SORBS2: variants seen among roughly 807,000 people sequenced by gnomAD.
The protein encoded by SORBS2 is sorbin and SH3 domain-containing protein 2.
SORBS2 carries 46 observed loss-of-function variants against 97.7 expected under a neutral mutation model. The ratio of observed to expected loss-of-function variants is 0.47; its 90% confidence interval spans 0.37 to 0.60. SORBS2 has a LOEUF of 0.60. SORBS2 is among the 20% of genes least tolerant of loss of function. SORBS2 has a pLI of 0.00. For synonymous variants in SORBS2, 476 were observed against 473.4 expected (o/e 1.01, Z -0.07); for missense variants, 1,316 against 1,282.3 (o/e 1.03, Z -0.40).
chr4:185,801,738 G>A (rs1304017273), intron 1 of SORBS2, among the ~76,000 whole-genome samples: 3 of 152,010 alleles, frequency 2.0e-5, no homozygotes, highest in Non-Finnish European at 2.9e-5. Flanking sequence ...ATCTTTCCAT[G>A]TGCTTTAATC....
At chr4:185,635,226 G>A in intron 4 of SORBS2, 129 bp downstream of exon 16, 1 of 664,904 alleles carries the variant, frequency 1.5e-6, no homozygotes, top group South Asian at 1.9e-5. Flanking sequence ...GCAACATAAT[G>A]ATGCAAAGAT....
At chr4:185,771,503 T>G (rs2098971340) in intron 2 of SORBS2, 1 of 152,238 alleles carries the variant, frequency 6.6e-6, no homozygotes, top group Non-Finnish European at 1.5e-5. Flanking sequence ...ACACTATGAC[T>G]GGTGAAGCCA....
rs186355831 is a variant in SORBS2, at chr4:185,798,032, G to C, written c.-337-22666C>G. 7.9e-5 allele frequency among the ~76,000 whole-genome samples: 12 copies of C among 152,304 alleles called. No homozygotes were observed. In the East Asian group the frequency reaches 2.1e-3, roughly 27 times the overall value. On this transcript the variant is annotated intron_variant, in intron 1 of 20. Coordinates refer to the SORBS2 transcript ENST00000284776. ...CCCAAAGACTGAACAGTCACCAAGA[G>C]TAGCAAGTCGACTAGTCACCACTGA...
chr4:185,946,257 C>T (rs989346108), intron 1 of SORBS2, among the ~76,000 whole-genome samples: 4 of 151,980 alleles, frequency 2.6e-5, no homozygotes, highest in Admixed American at 6.5e-5. Flanking sequence ...TGTGTGTTTT[C>T]GAAAGTCAAC....
At chr4:185,867,433 C>T (rs1040446759) in intron 1 of SORBS2, among the ~76,000 whole-genome samples, 2 of 152,154 alleles carry the variant, frequency 1.3e-5, no homozygotes, top group African/African-American at 2.4e-5. Context: ...AAAACAGGCA[C>T]GAGTAGAGAG....
intron 1 of SORBS2, among the ~76,000 whole-genome samples, chr4:185,941,683 T>A (rs2099272077): frequency 6.6e-6 from 1 of 152,132 alleles, no homozygotes; most frequent in Non-Finnish European, 1.5e-5. Context: ...TCAACACGAG[T>A]ATGATTGCAC....
At chr4:185,755,774 C>T (rs1224190752) in intron 2 of SORBS2, among the ~76,000 whole-genome samples, 1 of 152,216 alleles carries the variant, frequency 6.6e-6, no homozygotes, top group Admixed American at 6.5e-5. Flanking sequence ...TCTTTCAAGA[C>T]TTTCCCTTTA....
chr4:185,664,827 G>T (rs1049479749), intron 4 of SORBS2, among the ~76,000 whole-genome samples: 2 of 151,876 alleles, frequency 1.3e-5, no homozygotes, highest in African/African-American at 4.8e-5. Context: ...ATAAAATTTT[G>T]TCTATGACAG....
intron 1 of SORBS2, among the ~76,000 whole-genome samples, chr4:185,842,867 G>A (rs545922616): frequency 1.2e-4 from 18 of 151,318 alleles, no homozygotes; most frequent in African/African-American, 3.6e-4. Context: ...CCCAGGAGGC[G>A]GAGGTTGCAG....
chr4:185,830,479 C>T (rs145516986), intron 1 of SORBS2, among the ~76,000 whole-genome samples: 1 of 152,172 alleles, frequency 6.6e-6, no homozygotes, highest in Non-Finnish European at 1.5e-5. Context: ...GAACAAATAT[C>T]ATCATAAACG....
chr4:185,601,633 A>C (rs999527471), intron 12 of SORBS2, among the ~76,000 whole-genome samples: 1 of 152,156 alleles, frequency 6.6e-6, no homozygotes, highest in African/African-American at 2.4e-5. Context: ...GTTTTCTGGG[A>C]CTGTGCTTAT....
upstream of SORBS2, chr4:185,657,525 G>C: frequency 6.4e-7 from 1 of 1,571,932 alleles, no homozygotes; most frequent in Non-Finnish European, 8.6e-7. Flanking sequence ...TCTGAGGATC[G>C]GTACAGGGGG....
chr4:185,916,755 C>G (rs753737651), intron 1 of SORBS2, among the ~76,000 whole-genome samples: 26 of 152,130 alleles, frequency 1.7e-4, no homozygotes, highest in Non-Finnish European at 3.2e-4. Flanking sequence ...ATTAAACATG[C>G]TACAGTGCAC....
intron 2 of SORBS2, among the ~76,000 whole-genome samples, chr4:185,738,971 G>A (rs2098705706): frequency 1.3e-5 from 2 of 152,220 alleles, no homozygotes; most frequent in African/African-American, 4.8e-5. Context: ...TATTTGCATA[G>A]TTAGCTGGAG....
intron 1 of SORBS2, among the ~76,000 whole-genome samples, chr4:185,886,103 C>A (rs941202553): frequency 6.6e-6 from 1 of 152,188 alleles, no homozygotes; most frequent in Admixed American, 6.5e-5. Context: ...AGCCCCTGGG[C>A]GATTGGGGAA....
At chr4:185,721,708 T>C (rs980254025) in intron 2 of SORBS2, among the ~76,000 whole-genome samples, 3 of 152,234 alleles carry the variant, frequency 2.0e-5, no homozygotes, top group Non-Finnish European at 2.9e-5. Context: ...TCTTTCTGCA[T>C]AGTCAAGTGG....
intron 8 of SORBS2, among the ~76,000 whole-genome samples, chr4:185,619,127 G>A (rs2096672050): frequency 6.6e-6 from 1 of 152,190 alleles, no homozygotes; most frequent in Non-Finnish European, 1.5e-5. Context: ...TGGTTAGTGG[G>A]CAAAAGTATA....
At chr4:185,893,339 A>G (rs192663291) in intron 1 of SORBS2, among the ~76,000 whole-genome samples, 1 of 152,328 alleles carries the variant, frequency 6.6e-6, no homozygotes, top group East Asian at 1.9e-4. Context: ...GCAATACACC[A>G]GACAGCACCA....
intron 2 of SORBS2, among the ~76,000 whole-genome samples, chr4:185,694,761 C>T (rs982948948): frequency 7.1e-6 from 1 of 141,378 alleles, no homozygotes; most frequent in Non-Finnish European, 1.5e-5. Context: ...GGCTAGAGGG[C>T]AGTGGCATGA....
Sources: allele counts gnomAD v4.1 joint callset (sites outside exome capture counted in the v4.1 genomes callset), GRCh38; gene constraint gnomAD v4.1.1; transcripts MANE v1.5; gene names NCBI Gene and HGNC (gene_info 2026-07-23, HGNC 2026-07-21).